ZFP1: variants seen among roughly 807,000 people sequenced by gnomAD.
The protein encoded by ZFP1 is zinc finger protein 1 homolog.
ZFP1 carries 32 observed loss-of-function variants against 38.5 expected under a neutral mutation model. The observed-to-expected ratio is 0.83, with a 90% CI of 0.63 to 1.12. The LOEUF (loss-of-function observed/expected upper bound fraction) is 1.12, where lower values mean the gene tolerates loss of function less well. Among genes scored for constraint, ZFP1 ranks in the 50% most tolerant of loss-of-function variants. The pLI is 0.00. For synonymous variants in ZFP1, 245 were observed against 168.8 expected, an observed-to-expected ratio of 1.45 and a Z score of -3.50; for missense variants, 616 against 480.8, an observed-to-expected ratio of 1.28 and a Z score of -2.63.
the ZFP1 span, among the ~76,000 whole-genome samples, chr16:75,121,437 T>C: frequency 6.6e-6 from 1 of 152,124 alleles, no homozygotes; most frequent in Admixed American, 6.6e-5. Flanking sequence ...TTTCTTTAAT[T>C]TTATGTTTGA....
intron 2 of ZFP1, among the ~76,000 whole-genome samples, chr16:75,160,374 C>A (rs533645955): frequency 3.3e-5 from 5 of 152,128 alleles, no homozygotes; most frequent in Non-Finnish European, 1.5e-5. Flanking sequence ...CTGTACTAAA[C>A]CCCATCTGTA....
chr16:75,151,317 G>T (rs1306728202), intron 1 of ZFP1, among the ~76,000 whole-genome samples: 2 of 151,958 alleles, frequency 1.3e-5, no homozygotes, highest in South Asian at 4.1e-4. Flanking sequence ...TTTGACCTCT[G>T]TTATTTAATT....
intron 1 of ZFP1, among the ~76,000 whole-genome samples, chr16:75,151,889 C>A (rs1468441549): frequency 6.6e-6 from 1 of 152,006 alleles, no homozygotes; most frequent in Non-Finnish European, 1.5e-5. Flanking sequence ...AATGAATTCG[C>A]TATGTTTTTG....
At chr16:75,157,692 C>G (rs76700399) in intron 2 of ZFP1, among the ~76,000 whole-genome samples, 2,147 of 152,236 alleles carry the variant, frequency 0.014, 59 homozygotes, top group African/African-American at 0.049. Context: ...ATGATTCTGT[C>G]TTCCTGATGG....
At position 75,170,275 on chromosome 16, in the gene ZFP1, T is replaced by TTTA; in HGVS notation, c.1166_1168dup (p.Phe389_Ser390insIle). 1.2e-6 allele frequency: 2 copies of TTTA among 1,611,910 alleles called. No individual in the cohort carries two copies. The highest frequency in any genetic ancestry group is 2.2e-5 in the South Asian group (2 of 90,818). On this transcript the variant is annotated inframe_insertion, in exon 4 of 4. Coordinates refer to ENST00000570010, the MANE Select transcript of ZFP1 (RefSeq NM_153688.4). Reference sequence around the variant, plus strand: ...TGAGTGTTCCGAATGTGGGAAGGCCTTTAGCAGGAAGTCCCGACTCAGTGT... The same window carrying TTTA: ...TGAGTGTTCCGAATGTGGGAAGGCCTTTATTAGCAGGAAGTCCCGACTCAGTGT...
At chr16:75,167,029 T>G in intron 3 of ZFP1, 133 bp downstream of exon 3, 2 of 1,468,618 alleles carry the variant, frequency 1.4e-6, no homozygotes, top group Non-Finnish European at 1.8e-6. Context: ...CTGAGAGATC[T>G]TGCAGCCTTT....
rs1474299273 is a variant in ZFP1, at chr16:75,171,800, G to C, written c.*1466G>C. 1 of 152,182 alleles carries C rather than the reference G, an allele frequency of 6.6e-6. No individual in the cohort carries two copies. The highest frequency in any genetic ancestry group is 1.5e-5 in the Non-Finnish European group (1 of 68,028). 9.4% of individuals were successfully genotyped at this position (152,182 alleles called of 1,614,324 possible). On this transcript the variant is annotated 3_prime_UTR_variant, in exon 4 of 4. Transcript: ENST00000570010. The stretch of plus-strand genomic sequence containing the variant: ...CATAGCCCAATAAGCTTTTGTCTAA[G>C]TTGTCATCTTACTTACTCACAAAGG...
At chr16:75,134,934 A>G in the ZFP1 span, among the ~76,000 whole-genome samples, 1 of 150,688 alleles carries the variant, frequency 6.6e-6, no homozygotes, top group Non-Finnish European at 1.5e-5. Flanking sequence ...CATGCCTGTA[A>G]TCCCAGCTAC....
At chr16:75,137,237 C>G in the ZFP1 span, among the ~76,000 whole-genome samples, 2 of 152,134 alleles carry the variant, frequency 1.3e-5, no homozygotes, top group East Asian at 3.9e-4. Flanking sequence ...AAAGCTAGAA[C>G]ACTTTGATTG....
the ZFP1 span, among the ~76,000 whole-genome samples, chr16:75,140,367 G>A: frequency 1.3e-5 from 2 of 151,600 alleles, no homozygotes; most frequent in Non-Finnish European, 2.9e-5. Context: ...TCAGGAGTTC[G>A]AGACCAGCCT....
At chr16:75,134,699 C>G in the ZFP1 span, among the ~76,000 whole-genome samples, 1 of 148,796 alleles carries the variant, frequency 6.7e-6, no homozygotes, top group Non-Finnish European at 1.5e-5. Flanking sequence ...TGCAGTGAGC[C>G]AAGATCGCAC....
intron 2 of ZFP1, among the ~76,000 whole-genome samples, chr16:75,154,971 G>A (rs1391404016): frequency 6.6e-6 from 1 of 151,852 alleles, no homozygotes; most frequent in Non-Finnish European, 1.5e-5. Context: ...GCTAATTTTT[G>A]TATTTTTAGT....
the ZFP1 span, among the ~76,000 whole-genome samples, chr16:75,134,767 G>A: frequency 6.8e-6 from 1 of 146,240 alleles, no homozygotes; most frequent in Non-Finnish European, 1.5e-5. Context: ...AAAAAAATTA[G>A]CCAGGCCTGT....
the ZFP1 span, among the ~76,000 whole-genome samples, chr16:75,128,303 C>T: frequency 1.1e-4 from 17 of 152,224 alleles, 1 homozygote; most frequent in South Asian, 1.2e-3. Flanking sequence ...TGGCTGGGCT[C>T]GGCTTTAAAA....
the ZFP1 span, among the ~76,000 whole-genome samples, chr16:75,134,003 C>T: frequency 2.0e-5 from 3 of 152,142 alleles, no homozygotes; most frequent in East Asian, 5.8e-4. Flanking sequence ...GAGCCAAGAT[C>T]GTGCCACTGC....
intron 3 of ZFP1, among the ~76,000 whole-genome samples, chr16:75,167,698 C>T (rs1354566418): frequency 3.3e-5 from 5 of 152,136 alleles, no homozygotes; most frequent in Admixed American, 3.3e-4. Flanking sequence ...CTCCTGAGCT[C>T]AAGTAGTCTT....
At chr16:75,146,366 G>A (rs112149680), upstream of ZFP1, among the ~76,000 whole-genome samples, 942 of 152,006 alleles carry the variant, frequency 6.2e-3, 11 homozygotes, top group African/African-American at 0.021. Flanking sequence ...ACAGGGTTTC[G>A]CTGTGTTAGC....
chr16:75,149,683 C>G (rs929615307), intron 1 of ZFP1, among the ~76,000 whole-genome samples: 2 of 151,856 alleles, frequency 1.3e-5, no homozygotes, highest in East Asian at 1.9e-4. Context: ...CTCAGCCTCC[C>G]GAGTAGCTGG....
chr16:75,135,833 G>C, the ZFP1 span, among the ~76,000 whole-genome samples: 1 of 152,058 alleles, frequency 6.6e-6, no homozygotes, highest in Non-Finnish European at 1.5e-5. Context: ...TTTATTTTTT[G>C]AGACGGAGTC....
Sources: gnomAD v4.1 joint callset for allele counts (sites outside exome capture counted in the v4.1 genomes callset) on GRCh38, gnomAD v4.1.1 for gene constraint, MANE v1.5 for transcripts, NCBI Gene and HGNC (gene_info 2026-07-23, HGNC 2026-07-21) for gene names.